Variants in DOK6 observed in about 807,000 individuals in gnomAD.
DOK6 encodes docking protein 6.
Under a neutral mutation model 44.0 loss-of-function variants are expected in DOK6, and 22 were observed. The observed-to-expected ratio is 0.50, with a 90% CI of 0.36 to 0.71. The LOEUF (loss-of-function observed/expected upper bound fraction) is 0.71, where lower values mean the gene tolerates loss of function less well. Ranked by LOEUF, DOK6 falls within the 30% of genes least tolerant of loss-of-function variation. The pLI, the probability that DOK6 is intolerant of heterozygous loss-of-function variation, is 0.00. For synonymous variants in DOK6, 166 were observed against 145.5 expected (o/e 1.14, Z -1.01); for missense variants, 340 against 416.4 (o/e 0.82, Z 1.60).
At chr18:69,733,074 CAA>C (rs1374620132) in intron 5 of DOK6, among the ~76,000 whole-genome samples, 17 of 151,964 alleles carry the variant, frequency 1.1e-4, no homozygotes, top group African/African-American at 3.4e-4. Context: ...TACGCCTGTA[CAA>C]ACAGCTACTC....
At position 69,657,945 on chromosome 18, in the gene DOK6, TTTTG is replaced by T. The variant is rs902420132; in HGVS notation, c.290-19772_290-19769del. On this transcript the variant is annotated intron_variant, in intron 3 of 7. Transcript: ENST00000382713. Reference sequence around the variant, plus strand: ...TTTTTGTTGTTGTTGCTGTTGTTGTTTTTGTTTGTTTGTTTGTTTGCTTTTGAGA... The same window carrying T: ...TTTTTGTTGTTGTTGCTGTTGTTGTTTTTGTTTGTTTGTTTGCTTTTGAGA... Among the ~76,000 whole-genome samples the T allele has an allele frequency of 7.3e-4, 111 of 152,034 alleles. No individual in the cohort carries two copies. In the East Asian group the frequency reaches 0.012, roughly 16 times the overall value.
chr18:69,762,925 C>G (rs966460577), intron 7 of DOK6, among the ~76,000 whole-genome samples: 3 of 152,176 alleles, frequency 2.0e-5, no homozygotes, highest in Non-Finnish European at 2.9e-5. Flanking sequence ...AAGGTGAGAG[C>G]CTTAAAGTAA....
At chr18:69,827,382 A>G (rs1478539287) in intron 7 of DOK6, among the ~76,000 whole-genome samples, 1 of 152,108 alleles carries the variant, frequency 6.6e-6, no homozygotes, top group African/African-American at 2.4e-5. Context: ...GACAAAGGGA[A>G]TATTTACAAA....
intron 1 of DOK6, among the ~76,000 whole-genome samples, chr18:69,536,227 T>A (rs73452048): frequency 0.13 from 20,068 of 152,192 alleles, 1,633 homozygotes; most frequent in South Asian, 0.29. Flanking sequence ...GTTCCACTGA[T>A]ACACGTATAA....
intron 1 of DOK6, among the ~76,000 whole-genome samples, chr18:69,520,652 T>C (rs1459028952): frequency 6.6e-6 from 1 of 151,992 alleles, no homozygotes; most frequent in Non-Finnish European, 1.5e-5. Context: ...GTGTATATGA[T>C]GAATGTAAAA....
chr18:69,550,217 A>G (rs879408128), intron 1 of DOK6, among the ~76,000 whole-genome samples: 3,009 of 149,404 alleles, frequency 0.02, 68 homozygotes, highest in Middle Eastern at 0.035. Context: ...CAAAGCCATC[A>G]TTTTTAGGTA....
chr18:69,509,301 A>G (rs189097904), intron 1 of DOK6, among the ~76,000 whole-genome samples: 114 of 152,296 alleles, frequency 7.5e-4, no homozygotes, highest in African/African-American at 2.6e-3. Context: ...ACCTTTCAAA[A>G]TCTTAACAAA....
chr18:69,681,230 C>T (rs1986036806), intron 4 of DOK6, among the ~76,000 whole-genome samples: 1 of 151,962 alleles, frequency 6.6e-6, no homozygotes, highest in South Asian at 2.1e-4. Flanking sequence ...TTGTGGTGAT[C>T]TTGTAGTATT....
intron 7 of DOK6, among the ~76,000 whole-genome samples, chr18:69,787,540 T>C (rs541303058): frequency 6.6e-6 from 1 of 152,316 alleles, no homozygotes; most frequent in East Asian, 1.9e-4. Flanking sequence ...AGTCTTGTGC[T>C]GCCTGTTGTC....
intron 4 of DOK6, among the ~76,000 whole-genome samples, chr18:69,689,173 G>C (rs1986213088): frequency 6.6e-6 from 1 of 152,168 alleles, no homozygotes; most frequent in Non-Finnish European, 1.5e-5. Flanking sequence ...TTAGAAATCA[G>C]ATCAGTGGTG....
intron 7 of DOK6, among the ~76,000 whole-genome samples, chr18:69,795,646 G>A (rs928369892): frequency 2.6e-5 from 4 of 152,144 alleles, no homozygotes; most frequent in Non-Finnish European, 5.9e-5. Flanking sequence ...CCAACTGTGT[G>A]CTAGGCAAAA....
chr18:69,749,731 G>C (rs934134850), intron 6 of DOK6, among the ~76,000 whole-genome samples: 2 of 152,066 alleles, frequency 1.3e-5, no homozygotes, highest in African/African-American at 4.8e-5. Context: ...ATGAGGTCAA[G>C]AGATCGAGAC....
At chr18:69,558,178 C>G (rs1173652970) in intron 1 of DOK6, among the ~76,000 whole-genome samples, 1 of 152,132 alleles carries the variant, frequency 6.6e-6, no homozygotes, top group African/African-American at 2.4e-5. Flanking sequence ...CCAACACTCT[C>G]ACATAAGGCA....
In DOK6 at chr18:69,647,072, C is replaced by CCATCTGTCTATCT. The variant is rs1985098022; in HGVS notation, c.290-30650_290-30649insTCATCTGTCTATC. ...TATCTGTCTATCCTATCTGTCTATC[C>CCATCTGTCTATCT]CATCTGTCTATCCTATCTGTCTATC... On this transcript the variant is annotated intron_variant, in intron 3 of 7. Coordinates refer to ENST00000382713, the MANE Select transcript of DOK6 (RefSeq NM_152721.6). Among the ~76,000 whole-genome samples the CCATCTGTCTATCT allele has an allele frequency of 3.3e-5, 4 of 120,274 alleles. No individual in the cohort carries two copies. In the Admixed American group the frequency reaches 3.4e-4, roughly 10 times the overall value. The allele number at this position is 120,274 out of a possible 152,430, so 78.9% of individuals were successfully genotyped here.
intron 3 of DOK6, among the ~76,000 whole-genome samples, chr18:69,666,519 T>A (rs1422595965): frequency 2.0e-5 from 3 of 150,850 alleles, no homozygotes; most frequent in African/African-American, 7.3e-5. Flanking sequence ...ACCCAACCAA[T>A]TTTTTTTTTC....
intron 3 of DOK6, chr18:69,643,729 A>C (rs901896268): frequency 5.3e-5 from 8 of 152,210 alleles, no homozygotes; most frequent in African/African-American, 1.9e-4. Context: ...TGCAGGATTT[A>C]TGTGGACATG....
chr18:69,564,729 A>C (rs1982927600), intron 2 of DOK6, 135 bp downstream of exon 2: 5 of 677,300 alleles, frequency 7.4e-6, no homozygotes, highest in Non-Finnish European at 9.6e-6. Flanking sequence ...GATAAAATGC[A>C]GAAGTTATTT....
At chr18:69,592,521 G>A (rs1983645828) in intron 2 of DOK6, among the ~76,000 whole-genome samples, 2 of 152,058 alleles carry the variant, frequency 1.3e-5, no homozygotes. Context: ...TCTGTTAGCA[G>A]TGTTGTCATT....
At chr18:69,643,207 T>A (rs1000325514) in intron 3 of DOK6, among the ~76,000 whole-genome samples, 1 of 152,352 alleles carries the variant, frequency 6.6e-6, no homozygotes, top group South Asian at 2.1e-4. Flanking sequence ...TTTGCAAAAC[T>A]ATAGTATAAT....
Sources: gnomAD v4.1 joint callset for allele counts (sites outside exome capture counted in the v4.1 genomes callset) on GRCh38, gnomAD v4.1.1 for gene constraint, MANE v1.5 for transcripts, NCBI Gene and HGNC (gene_info 2026-07-23, HGNC 2026-07-21) for gene names.